Variants in ATP13A5 observed in about 807,000 individuals in gnomAD.
The protein encoded by ATP13A5 is ATPase 13A5.
Under a neutral mutation model 150.2 loss-of-function variants are expected in ATP13A5, and 149 were observed. That is an observed-to-expected ratio of 0.99 (90% CI 0.87 to 1.14). The LOEUF is 1.14. Among genes scored for constraint, ATP13A5 ranks in the 50% most tolerant of loss-of-function variants. The pLI is 0.00. For missense variants in ATP13A5, 1,383 were observed against 1,449.3 expected (o/e 0.95, Z 0.74); for synonymous variants, 497 against 522.2 (o/e 0.95, Z 0.66).
intron 19 of ATP13A5, chr3:193,313,829 C>G (rs1489700304): frequency 3.5e-6 from 2 of 572,642 alleles, no homozygotes; most frequent in Non-Finnish European, 6.0e-6. Flanking sequence ...ATTGGTGCAG[C>G]CTGCACTGGA....
intron 12 of ATP13A5, among the ~76,000 whole-genome samples, chr3:193,330,688 G>A (rs1387235973): frequency 6.6e-6 from 1 of 152,204 alleles, no homozygotes; most frequent in African/African-American, 2.4e-5. Flanking sequence ...AGGAGCAAAG[G>A]GGCAGGACAG....
intron 28 of ATP13A5, among the ~76,000 whole-genome samples, chr3:193,278,879 T>C (rs1271713127): frequency 2.6e-5 from 4 of 152,188 alleles, no homozygotes; most frequent in Non-Finnish European, 5.9e-5. Context: ...ATTAGTTCAA[T>C]AGCCTTGATG....
chr3:193,303,182 C>T (rs1277095979), intron 23 of ATP13A5, among the ~76,000 whole-genome samples: 7 of 152,156 alleles, frequency 4.6e-5, no homozygotes, highest in African/African-American at 1.7e-4. Context: ...CCAGTTGCAC[C>T]AACTGGCCCC....
In ATP13A5 at chr3:193,324,901, T is replaced by A. The variant is rs1257865461; in HGVS notation, c.1637A>T (p.Asp546Val). The stretch of plus-strand genomic sequence containing the variant: ...CTCAAACATTTTGAGGTCCAGAGGG[T>A]CTCCCTGGATGGTCCCATTGAGAAG... ...LILLNGTIQG[D>V]PLDLKMFEGT... Residue 546 changes from aspartate (D) to valine (V), a missense_variant, in exon 14 of 30, where the codon GAC becomes GTC. Around this residue, in one of 3 missense-constraint regions of ATP13A5, gnomAD observed 787 missense variants for 771.9 expected, o/e 1.02. Transcript: ENST00000342358. 1.2e-6 allele frequency: 2 copies of A among 1,613,832 alleles called. No individual in the cohort carries two copies. Among genetic ancestry groups the A allele is most frequent in the Non-Finnish European group, 1.7e-6 (2 of 1,179,872 alleles).
intron 17 of ATP13A5, among the ~76,000 whole-genome samples, chr3:193,316,071 G>A (rs756293990): frequency 4.6e-5 from 7 of 152,078 alleles, no homozygotes; most frequent in Non-Finnish European, 8.8e-5. Context: ...TAGGCCTTCT[G>A]TGACTGGTTT....
At chr3:193,362,765 CTTTCTT>C in intron 3 of ATP13A5, 128 bp from the exon 4 acceptor site, 1 of 234,504 alleles carries the variant, frequency 4.3e-6, no homozygotes, top group Non-Finnish European at 8.2e-6. Context: ...TTCTTTCTTT[CTTTCTT>C]TCTTTCTTTC....
chr3:193,363,367 A>G lies in ATP13A5; in HGVS notation c.253T>C (p.Tyr85His). The G allele has an allele frequency of 6.2e-7, 1 of 1,611,532 alleles. No homozygotes were observed. Among genetic ancestry groups the G allele is most frequent in the South Asian group, 1.1e-5 (1 of 90,364 alleles). The change falls in exon 3 of 30, where the codon TAT becomes CAT. Residue 85 changes from tyrosine (Y) to histidine (H), a missense_variant. By Grantham distance (83) the Tyr-to-His change is moderately conservative (BLOSUM62 2). This residue lies in a region of ATP13A5 where 787 missense variants were observed against 771.9 expected (regional missense o/e 1.02). Transcript: ENST00000342358. ...LLRTTDEFQRYMRKKVFCLYL... is the reference protein window; with the variant it reads ...LLRTTDEFQRHMRKKVFCLYL... Reference sequence around the variant, plus strand: ...AGGCAGAATACCTTCTTCCTCATATATCTTTGAAATTCGTCCTGGAAAAGA... The same window carrying G: ...AGGCAGAATACCTTCTTCCTCATATGTCTTTGAAATTCGTCCTGGAAAAGA...
chr3:193,305,404 G>A (rs189450659), intron 23 of ATP13A5, among the ~76,000 whole-genome samples, 155 bp downstream of exon 23: 23 of 152,296 alleles, frequency 1.5e-4, no homozygotes, highest in Non-Finnish European at 2.6e-4. Flanking sequence ...GCACTCTTGA[G>A]TAACACTAAT....
intron 7 of ATP13A5, among the ~76,000 whole-genome samples, chr3:193,350,342 A>T (rs1712517559): frequency 6.6e-6 from 1 of 152,132 alleles, no homozygotes; most frequent in Non-Finnish European, 1.5e-5. Flanking sequence ...AATCATTCTT[A>T]AGCTTTCAGA....
intron 28 of ATP13A5, among the ~76,000 whole-genome samples, chr3:193,278,626 C>T (rs1717335905): frequency 6.6e-6 from 1 of 152,164 alleles, no homozygotes; most frequent in East Asian, 1.9e-4. Flanking sequence ...AAAATGTGGC[C>T]TATTCTTTTG....
chr3:193,320,898 T>C (rs183318169), intron 16 of ATP13A5, among the ~76,000 whole-genome samples: 2 of 152,358 alleles, frequency 1.3e-5, no homozygotes, highest in Admixed American at 1.3e-4. Flanking sequence ...ATGAAATTGC[T>C]GTGAAAATTA....
intron 9 of ATP13A5, among the ~76,000 whole-genome samples, chr3:193,341,532 G>A (rs186166771): frequency 7.6e-4 from 115 of 152,228 alleles, no homozygotes; most frequent in Middle Eastern, 6.8e-3. Context: ...TGGAAACAGC[G>A]CGAACAGCAC....
chr3:193,348,413 A>G, intron 7 of ATP13A5, among the ~76,000 whole-genome samples: 1 of 152,170 alleles, frequency 6.6e-6, no homozygotes, highest in East Asian at 1.9e-4. Flanking sequence ...AAGGCAAAGC[A>G]CTGTGGGCCA....
chr3:193,309,355 T>C (rs1413285481), intron 21 of ATP13A5, among the ~76,000 whole-genome samples: 1 of 152,214 alleles, frequency 6.6e-6, no homozygotes, highest in Non-Finnish European at 1.5e-5. Flanking sequence ...CCCATTTTTC[T>C]GATTCTAAGC....
chr3:193,321,630 C>T (rs1408353346), intron 16 of ATP13A5, 51 bp downstream of exon 16: 1 of 1,592,814 alleles, frequency 6.3e-7, no homozygotes, highest in Non-Finnish European at 8.6e-7. Flanking sequence ...GATTCTGTCT[C>T]AAAGAAAAAA....
chr3:193,354,558 T>C (rs2108893737), intron 5 of ATP13A5, among the ~76,000 whole-genome samples: 1 of 151,798 alleles, frequency 6.6e-6, no homozygotes, highest in South Asian at 2.1e-4. Flanking sequence ...GCATTCTAGA[T>C]TGCCCTTGAT....
At chr3:193,360,635 ACT>A (rs367843311) in intron 5 of ATP13A5, among the ~76,000 whole-genome samples, 3 of 152,172 alleles carry the variant, frequency 2.0e-5, no homozygotes, top group African/African-American at 7.2e-5. Flanking sequence ...GGAAAATGAT[ACT>A]CTTTGTCTTG....
At chr3:193,300,220 A>G (rs115385149) in intron 24 of ATP13A5, among the ~76,000 whole-genome samples, 23 of 152,272 alleles carry the variant, frequency 1.5e-4, no homozygotes, top group Non-Finnish European at 2.6e-4. Context: ...GTAAAATTAT[A>G]TATTCAGAAT....
chr3:193,319,883 G>A (rs1468581337), intron 16 of ATP13A5, among the ~76,000 whole-genome samples: 1 of 152,078 alleles, frequency 6.6e-6, no homozygotes, highest in African/African-American at 2.4e-5. Context: ...GTCTATGGCT[G>A]CTTTAAGGCT....
Sources: allele counts gnomAD v4.1 joint callset (sites outside exome capture counted in the v4.1 genomes callset), GRCh38; gene constraint gnomAD v4.1.1; regional missense constraint gnomAD v4.1.1; transcripts MANE v1.5; gene names NCBI Gene and HGNC (gene_info 2026-07-23, HGNC 2026-07-21).